FYN: variants seen among roughly 807,000 people sequenced by gnomAD.
The protein encoded by FYN is FYN proto-oncogene, Src family tyrosine kinase.
Under a neutral mutation model 70.2 loss-of-function variants are expected in FYN, and 10 were observed. The ratio of observed to expected loss-of-function variants is 0.14; its 90% CI spans 0.09 to 0.24. FYN has a LOEUF of 0.24. Ranked by LOEUF, FYN falls within the 10% of genes least tolerant of loss-of-function variation. The pLI is 1.00. For synonymous variants in FYN, 236 were observed against 248.6 expected, an observed-to-expected ratio of 0.95 and a Z score of 0.48; for missense variants, 319 against 673.1, an observed-to-expected ratio of 0.47 and a Z score of 5.82.
chr6:111,726,628 G>C (rs1001980344), intron 3 of FYN, among the ~76,000 whole-genome samples: 15 of 152,152 alleles, frequency 9.9e-5, no homozygotes, highest in African/African-American at 3.6e-4. Flanking sequence ...GCAAGGGTGT[G>C]GGTGTGAGGG....
At chr6:111,763,331 C>T (rs1430022881) in intron 3 of FYN, among the ~76,000 whole-genome samples, 1 of 152,230 alleles carries the variant, frequency 6.6e-6, no homozygotes, top group African/African-American at 2.4e-5. Flanking sequence ...GGGTCATGTT[C>T]CTTAACCTTG....
intron 9 of FYN, among the ~76,000 whole-genome samples, chr6:111,698,345 C>T (rs2128440903): frequency 6.6e-6 from 1 of 152,264 alleles, no homozygotes; most frequent in South Asian, 2.1e-4. Flanking sequence ...GCTGGTCAGG[C>T]TGGTCTCAAA....
At chr6:111,745,590 A>G (rs1452563856) in intron 3 of FYN, among the ~76,000 whole-genome samples, 1 of 152,226 alleles carries the variant, frequency 6.6e-6, no homozygotes, top group Non-Finnish European at 1.5e-5. Context: ...TAGAGAGTTA[A>G]GCAGGGCCCA....
At chr6:111,695,846 T>G (rs1799549123) in intron 10 of FYN, among the ~76,000 whole-genome samples, 1 of 152,034 alleles carries the variant, frequency 6.6e-6, no homozygotes, top group East Asian at 1.9e-4. Flanking sequence ...GAGCTGGAAA[T>G]AAAAAAGATG....
At chr6:111,710,700 C>T (rs886656515) in intron 5 of FYN, among the ~76,000 whole-genome samples, 1 of 152,092 alleles carries the variant, frequency 6.6e-6, no homozygotes, top group Non-Finnish European at 1.5e-5. Flanking sequence ...CATTGAGAGC[C>T]GTTGAGCGAG....
At chr6:111,760,040 G>A (rs2128493324) in intron 3 of FYN, 1 of 151,570 alleles carries the variant, frequency 6.6e-6, no homozygotes, top group Non-Finnish European at 1.5e-5. Context: ...TGACGTATGT[G>A]AAAACATTCT....
At chr6:111,692,085 C>T (rs1398057189) in intron 12 of FYN, among the ~76,000 whole-genome samples, 1 of 150,458 alleles carries the variant, frequency 6.6e-6, no homozygotes, top group Admixed American at 6.6e-5. Context: ...TGGGACCTGC[C>T]TTGCCAAGCT....
chr6:111,661,927 G>A lies in FYN; in HGVS notation c.1426C>T (p.Leu476=). 1 of 1,612,738 alleles carries A rather than the reference G, an allele frequency of 6.2e-7. No homozygotes were observed. Among genetic ancestry groups the A allele is most frequent in the Non-Finnish European group, 8.5e-7 (1 of 1,179,198 alleles). The change falls in exon 14 of 14, where the codon CTG becomes TTG. Residue 476 remains leucine (L), a synonymous_variant. Coordinates refer to ENST00000354650, the MANE Select transcript of FYN (RefSeq NM_002037.5). The surrounding 1 kb of genome is among the most constrained non-coding windows in gnomAD (Gnocchi z 4.0). ...PYPGMNNREV[L]EQVERGYRMP... ...CTGTAGCCTCGCTCCACCTGCTCCA[G>A]CACCTCCCGGTTGTTCATGCCTGCA...
intron 12 of FYN, among the ~76,000 whole-genome samples, chr6:111,686,193 C>T (rs973552014): frequency 6.6e-6 from 1 of 152,144 alleles, no homozygotes; most frequent in African/African-American, 2.4e-5. Flanking sequence ...GGCCCCGAAG[C>T]TCCACGGTGG....
intron 3 of FYN, among the ~76,000 whole-genome samples, chr6:111,762,162 T>C (rs1284595546): frequency 6.6e-6 from 1 of 152,202 alleles, no homozygotes; most frequent in Non-Finnish European, 1.5e-5. Flanking sequence ...TATCTGGCTC[T>C]GGCTTTCCAC....
At chr6:111,713,265 G>A (rs1005711946) in intron 5 of FYN, among the ~76,000 whole-genome samples, 3 of 152,124 alleles carry the variant, frequency 2.0e-5, no homozygotes, top group African/African-American at 7.2e-5. Flanking sequence ...GGTCCCTGTG[G>A]CAATCAGCAC....
intron 3 of FYN, among the ~76,000 whole-genome samples, chr6:111,732,976 T>C (rs563329778): frequency 3.3e-5 from 5 of 151,854 alleles, no homozygotes; most frequent in Non-Finnish European, 7.4e-5. Context: ...TGGGAGGAGA[T>C]GGGGGAGGGC....
chr6:111,666,856 C>T (rs1011032369), intron 13 of FYN, among the ~76,000 whole-genome samples: 3 of 152,006 alleles, frequency 2.0e-5, no homozygotes, highest in African/African-American at 4.8e-5. Context: ...GGTCTGCCTT[C>T]GAGTCCCTCT....
chr6:111,774,714 G>A (rs1020093790), intron 3 of FYN, among the ~76,000 whole-genome samples: 1 of 151,900 alleles, frequency 6.6e-6, no homozygotes, highest in African/African-American at 2.4e-5. Context: ...ACTTATTAAG[G>A]GGATGGAGTC....
chr6:111,851,984 A>G (rs976950765), intron 1 of FYN, among the ~76,000 whole-genome samples: 5 of 151,858 alleles, frequency 3.3e-5, no homozygotes, highest in African/African-American at 1.2e-4. Flanking sequence ...GAAACGCACC[A>G]TGTGGCCCAA....
At chr6:111,701,787 C>T (rs1232983698) in intron 8 of FYN, among the ~76,000 whole-genome samples, 2 of 152,148 alleles carry the variant, frequency 1.3e-5, no homozygotes. Flanking sequence ...ATATTTTGTT[C>T]CATTTCTCCC....
rs1255822037 is a variant in FYN, at chr6:111,719,568, T to C, written c.247+237A>G. 1.3e-5 allele frequency: 6 copies of C among 478,612 alleles called. No homozygotes were observed. The East Asian group carries it at 2.2e-4, about 18-fold the overall frequency. 29.6% of individuals were successfully genotyped at this position (478,612 alleles called of 1,614,324 possible). Reference sequence around the variant, plus strand: ...TAGAATGTTGTAGCTCACTAACCCATATAGAATCCTCAGAAAGCAGCAACT... The same window carrying C: ...TAGAATGTTGTAGCTCACTAACCCACATAGAATCCTCAGAAAGCAGCAACT... On this transcript the variant is annotated intron_variant, in intron 4 of 13. Transcript: ENST00000354650.
At chr6:111,783,441 T>C (rs553852035) in intron 2 of FYN, among the ~76,000 whole-genome samples, 1 of 152,342 alleles carries the variant, frequency 6.6e-6, no homozygotes, top group South Asian at 2.1e-4. Flanking sequence ...TTTGTTCTTT[T>C]TGAGACACAC....
At chr6:111,754,586 G>GT (rs1802632413) in intron 3 of FYN, 1 of 152,176 alleles carries the variant, frequency 6.6e-6, no homozygotes, top group African/African-American at 2.4e-5. Context: ...GCAGTATGCT[G>GT]TTTATCTTCA....
Sources: allele counts gnomAD v4.1 joint callset (sites outside exome capture counted in the v4.1 genomes callset), GRCh38; gene constraint gnomAD v4.1.1; non-coding constraint Gnocchi (gnomAD v3.1); transcripts MANE v1.5; gene names NCBI Gene and HGNC (gene_info 2026-07-23, HGNC 2026-07-21).